PTPRA: variants seen among roughly 807,000 people sequenced by gnomAD.
The protein encoded by PTPRA is receptor-type tyrosine-protein phosphatase alpha.
In PTPRA, 25 loss-of-function variants were observed where a neutral mutation model predicts 104.8. The observed-to-expected ratio is 0.24, with a 90% CI of 0.17 to 0.33. PTPRA has a LOEUF of 0.33. Among genes scored for constraint, PTPRA ranks in the 10% least tolerant of loss-of-function variants. PTPRA has a pLI of 1.00. For missense variants in PTPRA, 765 were observed against 1,015.3 expected (o/e 0.75, Z 3.35); for synonymous variants, 323 against 368.9 (o/e 0.88, Z 1.43).
In PTPRA at chr20:2,933,852, TAA is replaced by T. The variant is rs986396216; in HGVS notation, c.-50+10569_-50+10570del. Among the ~76,000 whole-genome samples, 339 of 152,290 alleles carry T rather than the reference TAA, an allele frequency of 2.2e-3. 1 individual carries two copies. The highest frequency in any genetic ancestry group is 7.1e-3 in the African/African-American group (294 of 41,564). ...GATGTTTTGTTGACACATAAGAGTT[TAA>T]ATATCTTATGTATTAGAAACTATTA... On this transcript the variant is annotated intron_variant, in intron 2 of 23. Coordinates refer to ENST00000399903, the MANE Select transcript of PTPRA (RefSeq NM_001385305.1).
chr20:3,022,241 GT>G lies in PTPRA; in HGVS notation c.1328+22del, dbSNP rs2064911095. The G allele has an allele frequency of 6.2e-7, 1 of 1,612,570 alleles. No individual in the cohort carries two copies. Among genetic ancestry groups the G allele is most frequent in the Admixed American group, 1.7e-5 (1 of 59,912 alleles). On this transcript the variant is annotated intron_variant, in intron 15 of 23. Coordinates refer to ENST00000399903, the MANE Select transcript of PTPRA (RefSeq NM_001385305.1). The surrounding 1 kb of genome is among the most constrained non-coding windows in gnomAD (Gnocchi z 4.6). ...TGCAGGTCAGTGTGGCCTGACCCTT[GT>G]ACCCCCACCCCCACATTTCGCCCCC...
chr20:2,896,149 G>T (rs965894911), intron 1 of PTPRA, among the ~76,000 whole-genome samples: 1 of 151,838 alleles, frequency 6.6e-6, no homozygotes, highest in Non-Finnish European at 1.5e-5. Context: ...CTGAGGCAGG[G>T]GGATCACTTG....
At chr20:2,954,875 G>A (rs905387980) in intron 3 of PTPRA, among the ~76,000 whole-genome samples, 6 of 152,134 alleles carry the variant, frequency 3.9e-5, no homozygotes, top group Non-Finnish European at 8.8e-5. Context: ...TTTTGCAAGT[G>A]GTATAAGGGA....
Position 3,022,892 on chromosome 20 carries a change from TTCAC to T in PTPRA, c.1464+72_1464+75del, listed in dbSNP as rs1235425817. On this transcript the variant is annotated intron_variant, in intron 16 of 23. Coordinates refer to ENST00000399903, the MANE Select transcript of PTPRA (RefSeq NM_001385305.1). This position sits in a 1 kb window ranked among gnomAD's most constrained non-coding sequence, Gnocchi z 4.6. ...CTAAAACATCTGCCCACATTGAGGA[TTCAC>T]TCAGTCTCACAGGTTATTGTAAATG... 3.6e-5 allele frequency: 57 copies of T among 1,602,508 alleles called. No homozygotes were observed. Among genetic ancestry groups the T allele is most frequent in the Non-Finnish European group, 4.5e-5 (53 of 1,173,522 alleles).
At chr20:2,867,910 G>C in the PTPRA span, among the ~76,000 whole-genome samples, 12 of 152,220 alleles carry the variant, frequency 7.9e-5, no homozygotes, top group Admixed American at 7.2e-4. Flanking sequence ...AAGTCAAATG[G>C]TAAAATAACT....
chr20:2,934,669 CTTTTT>C (rs756152103), intron 2 of PTPRA, among the ~76,000 whole-genome samples: 1 of 127,204 alleles, frequency 7.9e-6, no homozygotes. Context: ...CAATTAGAAC[CTTTTT>C]TTTTTTTTTT....
intron 11 of PTPRA, among the ~76,000 whole-genome samples, chr20:3,013,455 T>C (rs1258820492): frequency 6.6e-6 from 1 of 151,874 alleles, no homozygotes; most frequent in African/African-American, 2.4e-5. Flanking sequence ...TTCACTCTTG[T>C]TGCCCAGGCT....
At chr20:3,004,167 A>C (rs58156936) in intron 9 of PTPRA, among the ~76,000 whole-genome samples, 10,978 of 152,200 alleles carry the variant, frequency 0.072, 911 homozygotes, top group African/African-American at 0.19. Flanking sequence ...ACAGGTGTGC[A>C]CCACCATACC....
Position 2,894,078 on chromosome 20 carries a change from C to T in PTPRA, c.-129+20318C>T, listed in dbSNP as rs6051458. ...AGTAGTTAATTATTTTTGGTATTCC[C>T]GTATTTCATCAGTAGGTTGCCATAG... On this transcript the variant is annotated intron_variant, in intron 1 of 23. Coordinates refer to ENST00000399903, the MANE Select transcript of PTPRA (RefSeq NM_001385305.1). 1.2e-3 allele frequency among the ~76,000 whole-genome samples: 177 copies of T among 151,830 alleles called. 3 individuals are homozygous for T. The highest frequency in any genetic ancestry group is 3.8e-3 in the African/African-American group (158 of 41,378).
intron 9 of PTPRA, among the ~76,000 whole-genome samples, chr20:3,001,878 A>G (rs2063643139): frequency 6.6e-6 from 1 of 152,178 alleles, no homozygotes; most frequent in African/African-American, 2.4e-5. Context: ...AATTTCTCCT[A>G]TCACTGTCAT....
chr20:2,976,284 TGATA>T (rs1314852294), intron 6 of PTPRA, among the ~76,000 whole-genome samples: 1 of 152,240 alleles, frequency 6.6e-6, no homozygotes, highest in Non-Finnish European at 1.5e-5. Flanking sequence ...GGTTTTATTG[TGATA>T]GATATTTACT....
intron 1 of PTPRA, among the ~76,000 whole-genome samples, chr20:2,885,047 C>T (rs965270760): frequency 9.9e-5 from 15 of 152,034 alleles, no homozygotes; most frequent in African/African-American, 3.6e-4. Context: ...GTGATCCGCC[C>T]GCCTCGGCCT....
rs187724968 is a variant in PTPRA at position 2,923,898 on chromosome 20, G to T, written c.-50+613G>T. The stretch of plus-strand genomic sequence containing the variant: ...GATGATCTCCAAGTTTTTTAAGTGG[G>T]AATGTAAACCAACTCTATAGTTTTA... On this transcript the variant is annotated intron_variant, in intron 2 of 23. Transcript: ENST00000399903. 3.2e-3 allele frequency among the ~76,000 whole-genome samples: 488 copies of T among 152,254 alleles called. 4 individuals carry two copies. Among genetic ancestry groups the T allele is most frequent in the African/African-American group, 0.011 (467 of 41,554 alleles).
chr20:2,979,051 TATG>T (rs1568679773), intron 6 of PTPRA, among the ~76,000 whole-genome samples: 1 of 152,180 alleles, frequency 6.6e-6, no homozygotes. Flanking sequence ...AGGGTGCTAT[TATG>T]CTTCCATTTC....
At chr20:2,867,425 C>T in the PTPRA span, among the ~76,000 whole-genome samples, 246 of 152,288 alleles carry the variant, frequency 1.6e-3, 1 homozygote, top group African/African-American at 5.2e-3. Context: ...ACACCAGACC[C>T]GCAATCAGTA....
chr20:3,017,746 A>T, intron 12 of PTPRA, 70 bp from the exon 13 acceptor site: 1 of 1,373,030 alleles, frequency 7.3e-7, no homozygotes, highest in Non-Finnish European at 1.0e-6. Context: ...TCAGGAATGG[A>T]TGTTCCCAGC....
chr20:3,002,175 G>A (rs2326052), intron 9 of PTPRA, among the ~76,000 whole-genome samples: 56,452 of 125,318 alleles, frequency 0.45, 11,237 homozygotes, highest in East Asian at 0.71. Context: ...GCTTCCATCT[G>A]ACAAAAAATT....
At chr20:2,875,078 A>G (rs1383617648) in intron 1 of PTPRA, among the ~76,000 whole-genome samples, 1 of 152,050 alleles carries the variant, frequency 6.6e-6, no homozygotes, top group African/African-American at 2.4e-5. Flanking sequence ...AGAATCCTCC[A>G]AGTTGTCTTG....
At chr20:2,905,041 A>G (rs115623513) in intron 1 of PTPRA, among the ~76,000 whole-genome samples, 2,882 of 152,268 alleles carry the variant, frequency 0.019, 97 homozygotes, top group African/African-American at 0.064. Flanking sequence ...ATTACACCTG[A>G]GCTCTGCCTC....
Sources: gnomAD v4.1 joint callset for allele counts (sites outside exome capture counted in the v4.1 genomes callset) on GRCh38, gnomAD v4.1.1 for gene constraint, Gnocchi (gnomAD v3.1) non-coding constraint, MANE v1.5 for transcripts, NCBI Gene and HGNC (gene_info 2026-07-23, HGNC 2026-07-21) for gene names.